The following CCKAR variants were observed in gnomAD, a reference collection of about 807,000 sequenced individuals.
CCKAR encodes the protein cholecystokinin receptor type A.
A neutral mutation model predicts 29.8 loss-of-function variants in CCKAR; 21 were observed. That is an observed-to-expected ratio of 0.70 (90% CI 0.50 to 1.01). The LOEUF (loss-of-function observed/expected upper bound fraction) is 1.01. CCKAR is among the 50% of genes least tolerant of loss of function. CCKAR has a pLI of 0.00. For missense variants in CCKAR, 570 were observed against 560.6 expected, an observed-to-expected ratio of 1.02 and a Z score of -0.17; for synonymous variants, 238 against 221.3, an observed-to-expected ratio of 1.08 and a Z score of -0.67.
chr4:26,484,478 G>T (rs1415282150), intron 3 of CCKAR, among the ~76,000 whole-genome samples: 2 of 152,082 alleles, frequency 1.3e-5, no homozygotes, highest in Non-Finnish European at 1.5e-5. Flanking sequence ...ACATTTTTAT[G>T]AACATACTCT....
chr4:26,483,121 C>T (rs778436569), intron 4 of CCKAR, 35 bp downstream of exon 4: 9 of 1,603,580 alleles, frequency 5.6e-6, no homozygotes, highest in Non-Finnish European at 6.8e-6. Context: ...CTTTTGTGCT[C>T]ATTTGGCATA....
chr4:26,489,361 A>G lies in CCKAR; in HGVS notation c.236T>C (p.Phe79Ser). 1 of 1,614,144 alleles carries G rather than the reference A, an allele frequency of 6.2e-7. No individual in the cohort carries two copies. The highest frequency in any genetic ancestry group is 8.5e-7 in the Non-Finnish European group (1 of 1,180,020). Residue 79 changes from phenylalanine (F) to serine (S), a missense_variant, in exon 2 of 5, where the codon TTC becomes TCC. Coordinates refer to ENST00000295589, the MANE Select transcript of CCKAR (RefSeq NM_000730.3). ...NKRMRTVTNI[F>S]LLSLAVSDLM... ...GTCGCTGACAGCCAGGGAGAGGAGG[A>G]AGATGTTGGTGACCGTCCGCATCCG...
chr4:26,485,522 A>C, intron 3 of CCKAR, 115 bp downstream of exon 3: 1 of 1,128,416 alleles, frequency 8.9e-7, no homozygotes, highest in South Asian at 1.5e-5. Context: ...AGACCTTCTC[A>C]AAACGTCTCC....
rs1737529321 is a variant in CCKAR, at chr4:26,490,158, T to C, written c.110A>G (p.Lys37Arg). 1 of 1,606,040 alleles carries C rather than the reference T, an allele frequency of 6.2e-7. No individual in the cohort carries two copies. The highest frequency in any genetic ancestry group is 1.7e-5 in the Admixed American group (1 of 59,916). ...AAATAACAGCTTCCGACACTTACCT[T>C]TGGAAGGACGGGGCTGATCCAAGCA... ...LFCLDQPRPS[K>R]EWQPAVQILL... Residue 37 changes from lysine (K) to arginine (R), a missense_variant and splice_region_variant, in exon 1 of 5, where the codon AAA becomes AGA. By Grantham distance (26) the Lys-to-Arg change is conservative (BLOSUM62 2). Transcript: ENST00000295589.
rs182751227 is a variant in CCKAR, at chr4:26,487,509, T to C, written c.365-1611A>G. ...ACTGGCAGGCAAGCATTCTTTTTCT[T>C]TTTGCTACAAATTAGGAGCTAATGA... On this transcript the variant is annotated intron_variant, in intron 2 of 4. Transcript: ENST00000295589. 1.7e-3 allele frequency among the ~76,000 whole-genome samples: 259 copies of C among 152,316 alleles called. 2 individuals carry two copies. The highest frequency in any genetic ancestry group is 0.014 in the Admixed American group (220 of 15,300).
intron 3 of CCKAR, among the ~76,000 whole-genome samples, chr4:26,484,650 A>C (rs1421434021): frequency 6.6e-6 from 1 of 152,158 alleles, no homozygotes; most frequent in Non-Finnish European, 1.5e-5. Context: ...TTGCGTTTTT[A>C]TTTCTGGTAA....
chr4:26,486,330 G>A lies in CCKAR; in HGVS notation c.365-432C>T, dbSNP rs532381224. Among the ~76,000 whole-genome samples, 3 of 152,194 alleles carry A rather than the reference G, an allele frequency of 2.0e-5. No individual in the cohort carries two copies. In the South Asian group the frequency reaches 6.2e-4, roughly 31 times the overall value. ...AAAACCCGAGATTCTCAAGGGCTCT[G>A]TGACCCTGAAAGGTCACTGTGATGT... is the stretch of plus-strand genomic sequence containing the variant. On this transcript the variant is annotated intron_variant, in intron 2 of 4. Coordinates refer to ENST00000295589, the MANE Select transcript of CCKAR (RefSeq NM_000730.3).
In CCKAR at chr4:26,485,898, C is replaced by T; in HGVS notation, c.365G>A (p.Gly122Asp). Reference sequence around the variant, plus strand: ...AAAGGTAGATACACTCACAGAGGTGCCTGGGAAAGGAACAAAGAAGCCGGT... The same window carrying T: ...AAAGGTAGATACACTCACAGAGGTGTCTGGGAAAGGAACAAAGAAGCCGGT... ...AVCKTTTYFM[G>D]TSVSVSTFNL... The change falls in exon 3 of 5, where the codon GGC becomes GAC. Residue 122 changes from glycine to aspartate, a missense_variant and splice_region_variant. Gly to Asp is a moderately conservative substitution (Grantham distance 94). Transcript: ENST00000295589. The T allele has an allele frequency of 5.6e-6, 9 of 1,610,978 alleles. No individual in the cohort carries two copies. The highest frequency in any genetic ancestry group is 6.8e-6 in the Non-Finnish European group (8 of 1,177,914).
At position 26,481,676 on chromosome 4, in the gene CCKAR, A is replaced by G. The variant is rs1464794005; in HGVS notation, c.1249T>C (p.Ser417Pro). 6 of 1,614,052 alleles carry G rather than the reference A, an allele frequency of 3.7e-6. No individual in the cohort carries two copies. The Admixed American group carries it at 8.3e-5, about 22-fold the overall frequency. Residue 417 changes from serine (S) to proline (P), a missense_variant, in exon 5 of 5, where the codon TCG becomes CCG. Ser to Pro is a moderately conservative substitution (Grantham distance 74, BLOSUM62 -1). Coordinates refer to ENST00000295589, the MANE Select transcript of CCKAR (RefSeq NM_000730.3). Reference protein sequence around the residue: ...GTTGASLSRFSYSHMSASVPP... With the variant: ...GTTGASLSRFPYSHMSASVPP... ...ACCGAGGCACTCATATGGCTGTACGAGAACCTGGACAGAGAGGCTCCTGTG... is the reference window on the plus strand; with the variant it reads ...ACCGAGGCACTCATATGGCTGTACGGGAACCTGGACAGAGAGGCTCCTGTG...
intron 1 of CCKAR, 71 bp from the exon 2 acceptor site, chr4:26,489,555 G>A: frequency 6.4e-7 from 1 of 1,561,302 alleles, no homozygotes; most frequent in South Asian, 1.2e-5. Flanking sequence ...CCGAAGCCAA[G>A]GGTGAATTCC....
chr4:26,483,013 G>C, intron 4 of CCKAR, 143 bp downstream of exon 4: 1 of 772,938 alleles, frequency 1.3e-6, no homozygotes, highest in Non-Finnish European at 2.0e-6. Flanking sequence ...GCCCGTGACT[G>C]TGCTTCTTGA....
At chr4:26,486,812 G>T (rs1011826001) in intron 2 of CCKAR, among the ~76,000 whole-genome samples, 2 of 152,146 alleles carry the variant, frequency 1.3e-5, no homozygotes, top group Non-Finnish European at 2.9e-5. Context: ...TACTTGGAAG[G>T]CTGAGGCAGA....
intron 1 of CCKAR, 93 bp from the exon 2 acceptor site, chr4:26,489,577 C>A: frequency 6.8e-7 from 1 of 1,462,198 alleles, no homozygotes; most frequent in South Asian, 1.3e-5. Flanking sequence ...GCCGATTTTC[C>A]CCCCACCGGG....
intron 4 of CCKAR, among the ~76,000 whole-genome samples, chr4:26,482,477 G>A (rs1737370046): frequency 6.6e-6 from 1 of 152,174 alleles, no homozygotes; most frequent in Non-Finnish European, 1.5e-5. Context: ...TCCCCAGAGG[G>A]AAGGTTCCTG....
chr4:26,490,382 A>G lies in CCKAR; in HGVS notation c.-115T>C, dbSNP rs1479167678. On this transcript the variant is annotated 5_prime_UTR_variant, in exon 1 of 5. Coordinates refer to ENST00000295589, the MANE Select transcript of CCKAR (RefSeq NM_000730.3). ...TGCAACCTGCCGTGGAGGAGCAGGG[A>G]GGGAGTGATTTCCAGGTGTGGGCTT... 2 of 707,414 alleles carry G rather than the reference A, an allele frequency of 2.8e-6. No individual in the cohort carries two copies. Among genetic ancestry groups the G allele is most frequent in the Non-Finnish European group, 2.5e-6 (1 of 395,444 alleles). The allele number at this position is 707,414 out of a possible 1,614,324, so 43.8% of individuals were successfully genotyped here.
In CCKAR at chr4:26,490,191, G is replaced by T. The variant is rs1488720673; in HGVS notation, c.77C>A (p.Thr26Lys). The change falls in exon 1 of 5, where the codon ACG becomes AAG. Residue 26 changes from threonine (T) to lysine (K), a missense_variant. Thr to Lys is a moderately conservative substitution (Grantham distance 78). Transcript: ENST00000295589. ...PPCELGLENETLFCLDQPRPS... is the reference protein window; with the variant it reads ...PPCELGLENEKLFCLDQPRPS... ...ACGGGGCTGATCCAAGCAGAAAAGC[G>T]TCTCATTTTCGAGCCCGAGTTCACA... 3 of 1,613,296 alleles carry T rather than the reference G, an allele frequency of 1.9e-6. No individual in the cohort carries two copies. Among genetic ancestry groups the T allele is most frequent in the South Asian group, 2.2e-5 (2 of 91,066 alleles).
At chr4:26,488,669 C>A (rs1737494217) in intron 2 of CCKAR, among the ~76,000 whole-genome samples, 1 of 152,122 alleles carries the variant, frequency 6.6e-6, no homozygotes, top group African/African-American at 2.4e-5. Context: ...TCTCTTTCTG[C>A]CAGAGATGGC....
intron 2 of CCKAR, among the ~76,000 whole-genome samples, 183 bp from the exon 3 acceptor site, chr4:26,486,081 G>T (rs1470213243): frequency 6.6e-6 from 1 of 152,178 alleles, no homozygotes; most frequent in Non-Finnish European, 1.5e-5. Context: ...TCCAGAAAGG[G>T]TTTAAGGCAG....
At chr4:26,485,534 G>A (rs1256735912) in intron 3 of CCKAR, 103 bp downstream of exon 3, 1 of 1,272,612 alleles carries the variant, frequency 7.9e-7, no homozygotes, top group East Asian at 2.3e-5. Context: ...AACGTCTCCA[G>A]GAAACTGATC....
Sources: allele counts gnomAD v4.1 joint callset (sites outside exome capture counted in the v4.1 genomes callset), GRCh38; gene constraint gnomAD v4.1.1; transcripts MANE v1.5; gene names NCBI Gene and HGNC (gene_info 2026-07-23, HGNC 2026-07-21).